The following NFAM1 variants were observed in gnomAD, a reference collection of about 807,000 sequenced individuals.
NFAM1 encodes the protein NFAT activation molecule 1.
In NFAM1, 17 loss-of-function variants were observed where a neutral mutation model predicts 29.0. The ratio of observed to expected loss-of-function variants is 0.59; its 90% CI spans 0.40 to 0.88. NFAM1 has a LOEUF of 0.88. Ranked by LOEUF, NFAM1 falls within the 40% of genes least tolerant of loss-of-function variation. The probability of loss-of-function intolerance (pLI) is 0.00; values close to 1 mark genes in which losing one functional copy is unlikely to be tolerated. For missense variants in NFAM1, 324 were observed against 344.6 expected, an observed-to-expected ratio of 0.94 and a Z score of 0.47; for synonymous variants, 175 against 147.2, an observed-to-expected ratio of 1.19 and a Z score of -1.36.
intron 1 of NFAM1, among the ~76,000 whole-genome samples, chr22:42,429,318 G>A (rs138288904): frequency 6.6e-6 from 1 of 152,320 alleles, no homozygotes; most frequent in Non-Finnish European, 1.5e-5. Flanking sequence ...AAGTAGCAGA[G>A]CTCAAATTCA....
At chr22:42,387,136 C>A in intron 4 of NFAM1, 58 bp from the exon 5 acceptor site, 1 of 1,018,784 alleles carries the variant, frequency 9.8e-7, no homozygotes, top group South Asian at 1.5e-5. Flanking sequence ...AGTCCCTGGC[C>A]CCAGCAGCCA....
chr22:42,431,453 C>T (rs936741167), intron 1 of NFAM1, among the ~76,000 whole-genome samples: 1 of 152,146 alleles, frequency 6.6e-6, no homozygotes, highest in Non-Finnish European at 1.5e-5. Context: ...GGCTGCTGCC[C>T]GGCCAAGGAG....
At position 42,409,455 on chromosome 22, in the gene NFAM1, C is replaced by T; in HGVS notation, c.544G>A (p.Ala182Thr). 3.9e-6 allele frequency: 6 copies of T among 1,531,524 alleles called. No homozygotes were observed. Among genetic ancestry groups the T allele is most frequent in the Non-Finnish European group, 5.3e-6 (6 of 1,134,676 alleles). The allele number at this position is 1,531,524 out of a possible 1,614,324, so 94.9% of individuals were successfully genotyped here. The change falls in exon 3 of 6, where the codon GCC becomes ACC. Residue 182 changes from alanine to threonine, a missense_variant. Physicochemically the swap from Ala to Thr is moderately conservative, Grantham distance 58. Transcript: ENST00000329021. The surrounding 1 kb of genome is among the most constrained non-coding windows in gnomAD (Gnocchi z 4.9). ...CGTACCTTGTTCCAGAGCAGCAGGG[C>T]CGTGCCCACTACACTCAGGACACTC... ...LLSVLSVVGT[A>T]LLLWNKKRMR...
At chr22:42,405,223 C>T (rs527421832) in intron 3 of NFAM1, among the ~76,000 whole-genome samples, 64 of 152,180 alleles carry the variant, frequency 4.2e-4, no homozygotes, top group Non-Finnish European at 7.3e-4. Flanking sequence ...CAGGAGCTGA[C>T]GTTGCTCAGC....
At chr22:42,400,206 A>G (rs1339219031) in intron 3 of NFAM1, among the ~76,000 whole-genome samples, 1 of 152,234 alleles carries the variant, frequency 6.6e-6, no homozygotes, top group African/African-American at 2.4e-5. Flanking sequence ...CCTCACAGAC[A>G]CAGAGCAGTG....
chr22:42,427,388 C>T (rs1601763462), intron 1 of NFAM1, among the ~76,000 whole-genome samples: 3 of 151,262 alleles, frequency 2.0e-5, no homozygotes, highest in Non-Finnish European at 4.4e-5. Flanking sequence ...CCTTCCATCT[C>T]CTCCCCCAGG....
In NFAM1 at chr22:42,386,978, C is replaced by T. The variant is rs753497270; in HGVS notation, c.753+11G>A. On this transcript the variant is annotated intron_variant, in intron 5 of 5. Coordinates refer to ENST00000329021, the MANE Select transcript of NFAM1 (RefSeq NM_145912.8). ...CAAGAAGCCAGGCTTGGTGCCCCAG[C>T]GCCTGTGTACCTGGGAGAGGGGGCT... The T allele has an allele frequency of 3.8e-5, 55 of 1,458,754 alleles. No homozygotes were observed. The highest frequency in any genetic ancestry group is 2.6e-4 in the South Asian group (21 of 79,388). The allele number at this position is 1,458,754 out of a possible 1,614,324, so 90.4% of individuals were successfully genotyped here. A position where few individuals can be genotyped will look rare whatever the true frequency, so the allele number is the denominator to read the frequency against.
At position 42,388,176 on chromosome 22, in the gene NFAM1, A is replaced by T. The variant is rs1929215332; in HGVS notation, c.664-1098T>A. 6.6e-6 allele frequency among the ~76,000 whole-genome samples: 1 copy of T among 151,864 alleles called. No homozygotes were observed. Among genetic ancestry groups the T allele is most frequent in the East Asian group, 1.9e-4 (1 of 5,162 alleles). ...ATGGTAGAAAGAACCGGGGCTTTAAAGTCAGACAAGAGTAGGTTCGAATCT... is the reference window on the plus strand; with the variant it reads ...ATGGTAGAAAGAACCGGGGCTTTAATGTCAGACAAGAGTAGGTTCGAATCT... On this transcript the variant is annotated intron_variant, in intron 4 of 5. Coordinates refer to ENST00000329021, the MANE Select transcript of NFAM1 (RefSeq NM_145912.8). The surrounding 1 kb of genome is among the most constrained non-coding windows in gnomAD (Gnocchi z 4.1).
At chr22:42,411,772 C>G in intron 1 of NFAM1, 36 bp from the exon 2 acceptor site, 1 of 1,483,642 alleles carries the variant, frequency 6.7e-7, no homozygotes, top group Non-Finnish European at 9.4e-7. Context: ...CAACAGGTCA[C>G]TTGAGGCTGC....
At chr22:42,433,892 C>T (rs547597935), upstream of NFAM1, among the ~76,000 whole-genome samples, 3 of 152,156 alleles carry the variant, frequency 2.0e-5, no homozygotes, top group African/African-American at 4.8e-5. Flanking sequence ...TGATAGACCT[C>T]GTGTCAATGC....
At chr22:42,413,418 C>T (rs1177005334) in intron 1 of NFAM1, among the ~76,000 whole-genome samples, 2 of 152,080 alleles carry the variant, frequency 1.3e-5, no homozygotes, top group Admixed American at 6.5e-5. Flanking sequence ...TGGCCCTGTG[C>T]GTCAGTTAAT....
intron 1 of NFAM1, among the ~76,000 whole-genome samples, chr22:42,414,557 ATTT>A (rs111849577): frequency 6.8e-6 from 1 of 147,418 alleles, no homozygotes; most frequent in Non-Finnish European, 1.5e-5. Context: ...TGGGCATCAA[ATTT>A]TTTTTTTTTT....
At chr22:42,405,626 G>A (rs1456073071) in intron 3 of NFAM1, among the ~76,000 whole-genome samples, 1 of 152,212 alleles carries the variant, frequency 6.6e-6, no homozygotes, top group Admixed American at 6.5e-5. Context: ...CCTGAAGCCA[G>A]TGGGTCTCCA....
In NFAM1 at chr22:42,411,560, G is replaced by T. The variant is rs1299617958; in HGVS notation, c.298C>A (p.His100Asn). 4.3e-6 allele frequency: 7 copies of T among 1,614,124 alleles called. No homozygotes were observed. The highest frequency in any genetic ancestry group is 5.9e-6 in the Non-Finnish European group (7 of 1,180,042). ...TGGTTCTCTGTGCCCAGTCCAGGGT[G>T]GCAGTTTGTTGGCTTCTTAGGGCTC... The part of the protein sequence containing the change: ...QRSPKKPTNC[H>N]PGLGTENQSH... The change falls in exon 2 of 6, where the codon CAC becomes AAC. Residue 100 changes from histidine (H) to asparagine (N), a missense_variant. Coordinates refer to ENST00000329021, the MANE Select transcript of NFAM1 (RefSeq NM_145912.8).
intron 3 of NFAM1, among the ~76,000 whole-genome samples, chr22:42,404,756 G>T (rs1569229824): frequency 6.6e-6 from 1 of 151,516 alleles, no homozygotes; most frequent in East Asian, 1.9e-4. Context: ...TTGGGAGGCT[G>T]AGGCAGGAGA....
intron 5 of NFAM1, among the ~76,000 whole-genome samples, chr22:42,386,170 C>T (rs1929132115): frequency 2.0e-5 from 3 of 151,942 alleles, no homozygotes; most frequent in Non-Finnish European, 4.4e-5. Flanking sequence ...GTCAGGAGTT[C>T]GAGACCAGCC....
At chr22:42,422,907 G>C (rs1198095680) in intron 1 of NFAM1, among the ~76,000 whole-genome samples, 1 of 152,098 alleles carries the variant, frequency 6.6e-6, no homozygotes, top group Non-Finnish European at 1.5e-5. Context: ...GAGGTCAAGA[G>C]TTTGAGACCA....
At chr22:42,411,841 T>A in intron 1 of NFAM1, 105 bp from the exon 2 acceptor site, 2 of 732,286 alleles carry the variant, frequency 2.7e-6, no homozygotes, top group Non-Finnish European at 4.7e-6. Flanking sequence ...CTCACACCTG[T>A]AATTCCAACA....
At chr22:42,425,050 T>C (rs1325976708) in intron 1 of NFAM1, among the ~76,000 whole-genome samples, 2 of 152,094 alleles carry the variant, frequency 1.3e-5, no homozygotes, top group Admixed American at 1.3e-4. Context: ...GCCTCCCCAG[T>C]AGCTGGAATT....
Sources: allele counts gnomAD v4.1 joint callset (sites outside exome capture counted in the v4.1 genomes callset), GRCh38; gene constraint gnomAD v4.1.1; non-coding constraint Gnocchi (gnomAD v3.1); transcripts MANE v1.5; gene names NCBI Gene and HGNC (gene_info 2026-07-23, HGNC 2026-07-21).